Variants in RGMA observed in about 807,000 individuals in gnomAD.
RGMA encodes repulsive guidance molecule BMP co-receptor a.
In RGMA, 10 loss-of-function variants were observed where a neutral mutation model predicts 23.2. That is an observed-to-expected ratio of 0.43 (90% CI 0.27 to 0.73). The LOEUF (loss-of-function observed/expected upper bound fraction) is 0.73. Ranked by LOEUF, RGMA falls within the 30% of genes least tolerant of loss-of-function variation. The probability of loss-of-function intolerance (pLI) is 0.20; values close to 1 mark genes in which losing one functional copy is unlikely to be tolerated. For synonymous variants in RGMA, 308 were observed against 279.3 expected (o/e 1.10, Z -1.03); for missense variants, 547 against 630.5 (o/e 0.87, Z 1.42).
chr15:93,072,835 G>C, intron 2 of RGMA, 81 bp downstream of exon 2: 1 of 1,466,150 alleles, frequency 6.8e-7, no homozygotes, highest in Non-Finnish European at 9.2e-7. Flanking sequence ...CTTGAGCCCG[G>C]ACTCACTCGC....
At chr15:93,088,024 G>A (rs1444972559) in intron 1 of RGMA, among the ~76,000 whole-genome samples, 1 of 152,136 alleles carries the variant, frequency 6.6e-6, no homozygotes, top group African/African-American at 2.4e-5. Context: ...ACTTCCGCTA[G>A]ATGGCGCTAC....
At position 93,045,013 on chromosome 15, in the gene RGMA, G is replaced by A. The variant is rs1198882923; in HGVS notation, c.1338C>T (p.Leu446=). ...LGALVPLLAL[L]PVFC is the part of the protein sequence containing the mutation. ...ATCTACGCGTCTAGCAGAACACAGG[G>A]AGCAGGGCCAGGAGCGGGACGAGGG... The change falls in exon 4 of 4, where the codon CTC becomes CTT. Residue 446 remains leucine (L), a synonymous_variant. Transcript: ENST00000329082. This position sits in a 1 kb window ranked among gnomAD's most constrained non-coding sequence, Gnocchi z 6.9. 6.2e-7 allele frequency: 1 copy of A among 1,600,002 alleles called. No individual in the cohort carries two copies. The highest frequency in any genetic ancestry group is 1.3e-5 in the African/African-American group (1 of 74,764).
rs1197812351 is a variant in RGMA at position 93,045,091 on chromosome 15, C to G, written c.1260G>C (p.Leu420=). 2 of 1,579,700 alleles carry G rather than the reference C, an allele frequency of 1.3e-6. No homozygotes were observed. Among genetic ancestry groups the G allele is most frequent in the Non-Finnish European group, 8.6e-7 (1 of 1,162,984 alleles). Reference sequence around the variant, plus strand: ...GCAGCCCCGCAGCCGCCCTGCCTGGCAGGTCCCGAGTCCTCTCATACAGGT... The same window carrying G: ...GCAGCCCCGCAGCCGCCCTGCCTGGGAGGTCCCGAGTCCTCTCATACAGGT... ...KLHLYERTRD[L]PGRAAAGLPL... The change falls in exon 4 of 4, where the codon CTG becomes CTC. Residue 420 remains leucine, a synonymous_variant. Coordinates refer to ENST00000329082, the MANE Select transcript of RGMA (RefSeq NM_020211.3). The surrounding 1 kb of genome is among the most constrained non-coding windows in gnomAD (Gnocchi z 6.9).
chr15:93,048,024 G>A (rs2054854347), intron 3 of RGMA, among the ~76,000 whole-genome samples: 1 of 152,208 alleles, frequency 6.6e-6, no homozygotes, highest in South Asian at 2.1e-4. Flanking sequence ...GGGTGCAGCA[G>A]AGTGGCCTGT....
chr15:93,042,603 G>A lies in RGMA; in HGVS notation c.*2395C>T, dbSNP rs957275700. 2.0e-5 allele frequency: 3 copies of A among 152,342 alleles called. No homozygotes were observed. Among genetic ancestry groups the A allele is most frequent in the African/African-American group, 4.8e-5 (2 of 41,460 alleles). 9.4% of individuals were successfully genotyped at this position (152,342 alleles called of 1,614,324 possible). ...TGCCTCATGGCATTTAGTTTGAAGA[G>A]AAGGGGCTTCAGGACAATACTAACC... On this transcript the variant is annotated 3_prime_UTR_variant, in exon 4 of 4. Transcript: ENST00000329082.
intron 1 of RGMA, among the ~76,000 whole-genome samples, chr15:93,087,470 A>AAAAAC (rs1555451794): frequency 1.3e-5 from 2 of 149,250 alleles, no homozygotes; most frequent in Non-Finnish European, 3.0e-5. Flanking sequence ...TGTGCAAAAA[A>AAAAAC]AAAAAAAAAA....
At chr15:93,066,519 C>T in intron 2 of RGMA, 1 of 490,532 alleles carries the variant, frequency 2.0e-6, no homozygotes, top group Non-Finnish European at 3.9e-6. Flanking sequence ...GGCGACTCCG[C>T]CCCTGCCACC....
chr15:93,088,380 C>G (rs897762865), intron 1 of RGMA: 1 of 985,554 alleles, frequency 1.0e-6, no homozygotes, highest in Non-Finnish European at 1.2e-6. Context: ...ATCCTCGGCC[C>G]TCAATCCAAG....
At chr15:93,087,412 G>T (rs2141851852) in intron 1 of RGMA, among the ~76,000 whole-genome samples, 1 of 127,142 alleles carries the variant, frequency 7.9e-6, no homozygotes, top group South Asian at 2.6e-4. Flanking sequence ...TGTAAAGGGG[G>T]CTTGCTTGTC....
At chr15:93,065,627 G>T in intron 2 of RGMA, 2 of 865,606 alleles carry the variant, frequency 2.3e-6, no homozygotes, top group South Asian at 1.3e-5. Flanking sequence ...GTTGATAGGG[G>T]CTGAGGTCTC....
intron 2 of RGMA, among the ~76,000 whole-genome samples, chr15:93,058,343 G>A (rs1306951996): frequency 6.6e-6 from 1 of 152,166 alleles, no homozygotes; most frequent in Non-Finnish European, 1.5e-5. Context: ...TGTGACTGTG[G>A]GCAAATTCAC....
At chr15:93,071,731 AC>A (rs1327083675) in intron 2 of RGMA, among the ~76,000 whole-genome samples, 2 of 152,228 alleles carry the variant, frequency 1.3e-5, no homozygotes, top group African/African-American at 4.8e-5. Context: ...GTTCCTTGAA[AC>A]CCAGTTGGCG....
intron 2 of RGMA, among the ~76,000 whole-genome samples, chr15:93,053,428 G>A (rs1040761756): frequency 3.4e-4 from 52 of 152,306 alleles, no homozygotes; most frequent in East Asian, 1.4e-3. Flanking sequence ...GACACCAGCT[G>A]GGAGGTCCAG....
intron 2 of RGMA, 118 bp from the exon 3 acceptor site, chr15:93,052,625 T>G (rs1997382): frequency 8.9e-7 from 1 of 1,129,304 alleles, no homozygotes; most frequent in African/African-American, 1.6e-5. Flanking sequence ...GAGCCACCCA[T>G]GCCACACACA....
chr15:93,045,293 TC>T lies in RGMA; in HGVS notation c.1057del (p.Glu353ArgfsTer36). ...AAASPAPTAP[E>X]TFPYETAVAK... Reference sequence around the variant, plus strand: ...CACGGCTGTCTCGTATGGGAAGGTCTCGGGGGCTGTGGGTGCAGGGCTGGCG... The same window carrying T: ...CACGGCTGTCTCGTATGGGAAGGTCTGGGGGCTGTGGGTGCAGGGCTGGCG... On this transcript the variant is annotated frameshift_variant, in exon 4 of 4. Transcript: ENST00000329082. LOFTEE classifies it high-confidence loss of function. This position sits in a 1 kb window ranked among gnomAD's most constrained non-coding sequence, Gnocchi z 6.9. 6.2e-7 allele frequency: 1 copy of T among 1,612,616 alleles called. No individual in the cohort carries two copies. Among genetic ancestry groups the T allele is most frequent in the Non-Finnish European group, 8.5e-7 (1 of 1,179,660 alleles).
chr15:93,064,913 C>A (rs1180180201), intron 2 of RGMA, among the ~76,000 whole-genome samples: 1 of 152,052 alleles, frequency 6.6e-6, no homozygotes, highest in African/African-American at 2.4e-5. Flanking sequence ...TCCCCAAAGT[C>A]TATTTCTTGT....
chr15:93,086,114 T>C (rs1162765118), intron 1 of RGMA, among the ~76,000 whole-genome samples: 2 of 152,224 alleles, frequency 1.3e-5, no homozygotes, highest in Non-Finnish European at 2.9e-5. Flanking sequence ...TTCTTCAGGT[T>C]AAATTTATGT....
intron 2 of RGMA, chr15:93,066,245 T>G (rs749204529): frequency 1.8e-5 from 23 of 1,267,360 alleles, no homozygotes; most frequent in Middle Eastern, 1.9e-4. Flanking sequence ...TTCCTGGGCT[T>G]CTTTTAATAG....
In RGMA at chr15:93,089,124, C is replaced by A; in HGVS notation, c.-192G>T. ...GGGCTGCATGCCTGCGAGCGCCTGG[C>A]GGAGCCGGCCCGGGAGCGAACGGCC... On this transcript the variant is annotated 5_prime_UTR_variant, in exon 1 of 4. Transcript: ENST00000329082. 1 of 342,850 alleles carries A rather than the reference C, an allele frequency of 2.9e-6. No homozygotes were observed. The highest frequency in any genetic ancestry group is 5.2e-6 in the Non-Finnish European group (1 of 191,338). 21.2% of individuals were successfully genotyped at this position (342,850 alleles called of 1,614,324 possible).
Sources: gnomAD v4.1 joint callset for allele counts (sites outside exome capture counted in the v4.1 genomes callset) on GRCh38, gnomAD v4.1.1 for gene constraint, Gnocchi (gnomAD v3.1) non-coding constraint, MANE v1.5 for transcripts, NCBI Gene and HGNC (gene_info 2026-07-23, HGNC 2026-07-21) for gene names.